Variants in GNA14 observed in about 807,000 individuals in gnomAD.
GNA14 encodes G protein subunit alpha 14, also known as guanine nucleotide-binding protein subunit alpha-14.
GNA14 carries 50 observed loss-of-function variants against 42.0 expected under a neutral mutation model. The observed-to-expected ratio is 1.19, with a 90% CI of 0.95 to 1.51. The LOEUF (loss-of-function observed/expected upper bound fraction) is 1.51. Among genes scored for constraint, GNA14 ranks in the 40% most tolerant of loss-of-function variants. The pLI is 0.00. For synonymous variants in GNA14, 173 were observed against 163.1 expected, an observed-to-expected ratio of 1.06 and a Z score of -0.46; for missense variants, 473 against 446.2, an observed-to-expected ratio of 1.06 and a Z score of -0.54.
At chr9:77,538,596 AAT>A (rs1241282519) in intron 1 of GNA14, among the ~76,000 whole-genome samples, 1 of 152,114 alleles carries the variant, frequency 6.6e-6, no homozygotes, top group Non-Finnish European at 1.5e-5. Context: ...TTTCCTTTTC[AAT>A]TTATTTCAGT....
intron 1 of GNA14, among the ~76,000 whole-genome samples, chr9:77,629,917 AC>A (rs1824070475): frequency 6.6e-6 from 1 of 152,312 alleles, no homozygotes; most frequent in Admixed American, 6.5e-5. Context: ...AAATAAGTAA[AC>A]ATGAGTCAGC....
chr9:77,513,893 A>C (rs1587810104), intron 2 of GNA14, among the ~76,000 whole-genome samples: 1 of 152,160 alleles, frequency 6.6e-6, no homozygotes, highest in East Asian at 1.9e-4. Flanking sequence ...TGGTTGATGA[A>C]AAGGGTATTA....
At chr9:77,533,119 T>C (rs1472976250) in intron 1 of GNA14, among the ~76,000 whole-genome samples, 1 of 152,204 alleles carries the variant, frequency 6.6e-6, no homozygotes. Context: ...AGTTTTTCTG[T>C]TTTCATATTT....
intron 2 of GNA14, among the ~76,000 whole-genome samples, chr9:77,520,252 A>G (rs1837333937): frequency 6.6e-6 from 1 of 152,216 alleles, no homozygotes; most frequent in African/African-American, 2.4e-5. Context: ...GGACTCCAAA[A>G]CAACCCCAAA....
At chr9:77,564,310 A>C (rs929815598) in intron 1 of GNA14, among the ~76,000 whole-genome samples, 4 of 150,510 alleles carry the variant, frequency 2.7e-5, no homozygotes, top group African/African-American at 5.0e-5. Flanking sequence ...AAAAAAAAAA[A>C]AAAACTTATT....
At chr9:77,548,333 A>G (rs569443761) in intron 1 of GNA14, among the ~76,000 whole-genome samples, 2 of 152,162 alleles carry the variant, frequency 1.3e-5, no homozygotes, top group Admixed American at 1.3e-4. Context: ...CACCAGCCAC[A>G]ATTAATTTGG....
In GNA14 at chr9:77,434,348, A is replaced by G; in HGVS notation, c.464+20T>C. 1 of 1,591,972 alleles carries G rather than the reference A, an allele frequency of 6.3e-7. No homozygotes were observed. Among genetic ancestry groups the G allele is most frequent in the Non-Finnish European group, 8.5e-7 (1 of 1,169,946 alleles). On this transcript the variant is annotated intron_variant, in intron 3 of 6. Coordinates refer to ENST00000341700, the MANE Select transcript of GNA14 (RefSeq NM_004297.4). The stretch of plus-strand genomic sequence containing the variant: ...TTGCCTGAAAGCACCGCGGGCGGCC[A>G]GGGTGGGCTCTGTACTCACTATTTG...
chr9:77,442,166 G>T (rs1835746565), intron 2 of GNA14, among the ~76,000 whole-genome samples: 1 of 152,214 alleles, frequency 6.6e-6, no homozygotes, highest in Non-Finnish European at 1.5e-5. Flanking sequence ...GAGGCCAGGA[G>T]TTCGAGACCC....
At chr9:77,467,562 A>C (rs942592485) in intron 2 of GNA14, among the ~76,000 whole-genome samples, 8 of 150,116 alleles carry the variant, frequency 5.3e-5, no homozygotes, top group Non-Finnish European at 1.2e-4. Context: ...CTCACCACCA[A>C]CATGTCTACT....
chr9:77,496,341 A>T (rs148269453), intron 2 of GNA14, among the ~76,000 whole-genome samples: 1 of 152,352 alleles, frequency 6.6e-6, no homozygotes, highest in East Asian at 1.9e-4. Context: ...TTCACAGGAC[A>T]TAAAATAGGA....
At chr9:77,439,607 G>A (rs549978520) in intron 2 of GNA14, among the ~76,000 whole-genome samples, 13 of 152,188 alleles carry the variant, frequency 8.5e-5, no homozygotes, top group Non-Finnish European at 1.9e-4. Flanking sequence ...ACCGCACTTC[G>A]GCCTGAGTGA....
At chr9:77,625,315 A>C (rs540718295) in intron 1 of GNA14, among the ~76,000 whole-genome samples, 6 of 152,290 alleles carry the variant, frequency 3.9e-5, no homozygotes, top group African/African-American at 1.4e-4. Flanking sequence ...CCAAATTGGA[A>C]AACAGTCTTC....
chr9:77,527,101 T>G (rs1564043583), intron 2 of GNA14, among the ~76,000 whole-genome samples: 1 of 152,134 alleles, frequency 6.6e-6, no homozygotes, highest in Non-Finnish European at 1.5e-5. Context: ...CTTTGCCCAG[T>G]CACCTCACCA....
intron 1 of GNA14, among the ~76,000 whole-genome samples, chr9:77,591,795 C>G (rs1823394348): frequency 1.3e-5 from 2 of 152,298 alleles, no homozygotes; most frequent in South Asian, 2.1e-4. Flanking sequence ...GTCTGGCACT[C>G]AAGATCCTCT....
Position 77,529,189 on chromosome 9 carries a change from G to C in GNA14, c.189C>G (p.Tyr63Ter). The C allele has an allele frequency of 6.2e-7, 1 of 1,613,904 alleles. No homozygotes were observed. ...TGAACCCCTTTCTGTCTTCGTCGCT[G>C]TAACCAGACCCATGGATAATTCTCA... ...KQMRIIHGSG[Y>*]SDEDRKGFTK... The change falls in exon 2 of 7, where the codon TAC becomes TAG. Residue 63 changes from tyrosine (Y) to a stop codon, truncating the protein, a stop_gained. Transcript: ENST00000341700. LOFTEE classifies it high-confidence loss of function.
chr9:77,633,535 T>G (rs1024355303), intron 1 of GNA14, among the ~76,000 whole-genome samples: 2 of 152,150 alleles, frequency 1.3e-5, no homozygotes, highest in African/African-American at 2.4e-5. Context: ...AAAACAACAA[T>G]CCAATTTACA....
rs111701182 is a variant in GNA14 at position 77,608,732 on chromosome 9, GTTT to G, written c.124+38935_124+38937del. Among the ~76,000 whole-genome samples, 306 of 121,164 alleles carry G rather than the reference GTTT, an allele frequency of 2.5e-3. 6 individuals carry two copies. In the East Asian group the frequency reaches 0.057, roughly 23 times the overall value. 79.5% of individuals were successfully genotyped at this position (121,164 alleles called of 152,430 possible). On this transcript the variant is annotated intron_variant, in intron 1 of 6. Transcript: ENST00000341700. ...GACAATGTACGAAGCCCAATATCCTGTTTTTTTTTTTTTTTGCTTTTTAATAAT... is the reference window on the plus strand; with the variant it reads ...GACAATGTACGAAGCCCAATATCCTGTTTTTTTTTTTTGCTTTTTAATAAT...
chr9:77,570,082 C>T (rs1490295246), intron 1 of GNA14, among the ~76,000 whole-genome samples: 1 of 152,006 alleles, frequency 6.6e-6, no homozygotes, highest in Non-Finnish European at 1.5e-5. Flanking sequence ...GCGAAAATGT[C>T]CACACATTTT....
Position 77,595,596 on chromosome 9 carries a change from A to G in GNA14, c.124+52074T>C, listed in dbSNP as rs554624865. On this transcript the variant is annotated intron_variant, in intron 1 of 6. Coordinates refer to ENST00000341700, the MANE Select transcript of GNA14 (RefSeq NM_004297.4). The stretch of plus-strand genomic sequence containing the variant: ...CAGCCCATCATACTACTCCCTTCCG[A>G]ACTGTTGTTCTCGAAGCAAGATGCT... 2.6e-4 allele frequency among the ~76,000 whole-genome samples: 40 copies of G among 152,192 alleles called. 1 individual carries two copies. The South Asian group carries it at 7.3e-3, about 28-fold the overall frequency.
Sources: allele counts gnomAD v4.1 joint callset (sites outside exome capture counted in the v4.1 genomes callset), GRCh38; gene constraint gnomAD v4.1.1; transcripts MANE v1.5; gene names NCBI Gene and HGNC (gene_info 2026-07-23, HGNC 2026-07-21).